The following PCDHGB1 variants were observed in gnomAD, a reference collection of about 807,000 sequenced individuals.
The protein encoded by PCDHGB1 is protocadherin gamma subfamily B, 1.
PCDHGB1 carries 34 observed loss-of-function variants against 56.6 expected under a neutral mutation model. The ratio of observed to expected loss-of-function variants is 0.60; its 90% confidence interval spans 0.46 to 0.80. PCDHGB1 has a LOEUF of 0.80. Among genes scored for constraint, PCDHGB1 ranks in the 30% least tolerant of loss-of-function variants. PCDHGB1 has a pLI of 0.00. For synonymous variants in PCDHGB1, 561 were observed against 505.9 expected (o/e 1.11, Z -1.46); for missense variants, 1,278 against 1,204.6 (o/e 1.06, Z -0.90).
In PCDHGB1 at chr5:141,352,450, G is replaced by A; in HGVS notation, c.2190G>A (p.Lys730=). The stretch of plus-strand genomic sequence containing the variant: ...GCTTTCAAACCGGTCTCTGCTCCAA[G>A]TCTGGGCCCGGGGTTCCTCCCAACC... ...EGCFQTGLCS[K]SGPGVPPNHS... is the part of the protein sequence containing the mutation. Residue 730 remains lysine, a synonymous_variant, in exon 1 of 4, where the codon AAG becomes AAA. Coordinates refer to ENST00000523390, the MANE Select transcript of PCDHGB1 (RefSeq NM_018922.3). 1 of 1,614,036 alleles carries A rather than the reference G, an allele frequency of 6.2e-7. No individual in the cohort carries two copies. The highest frequency in any genetic ancestry group is 8.5e-7 in the Non-Finnish European group (1 of 1,179,902).
At position 141,477,879 on chromosome 5, in the gene PCDHGB1, A is replaced by T. The variant is rs932363258; in HGVS notation, c.2410-16928A>T. The T allele has an allele frequency of 3.4e-5, 55 of 1,614,060 alleles. No homozygotes were observed. The highest frequency in any genetic ancestry group is 4.6e-5 in the Non-Finnish European group (54 of 1,180,034). ...CTGCCTCGAGGTACCTCAGCTGGCCACCTAGTGTCACGGGTGGTAGGCTGG... is the reference window on the plus strand; with the variant it reads ...CTGCCTCGAGGTACCTCAGCTGGCCTCCTAGTGTCACGGGTGGTAGGCTGG... On this transcript the variant is annotated intron_variant, in intron 1 of 3. Coordinates refer to ENST00000523390, the MANE Select transcript of PCDHGB1 (RefSeq NM_018922.3). This position sits in a 1 kb window ranked among gnomAD's most constrained non-coding sequence, Gnocchi z 4.9.
rs1307942270 is a variant in PCDHGB1 at position 141,388,326 on chromosome 5, C to A, written c.2409+35657C>A. ...GCTGCAAATAAGTGAGTCTGCACAG[C>A]CTGGCACACGATTTATATTAGGATC... On this transcript the variant is annotated intron_variant, in intron 1 of 3. Transcript: ENST00000523390. 3.7e-6 allele frequency: 6 copies of A among 1,613,760 alleles called. No homozygotes were observed. The highest frequency in any genetic ancestry group is 5.1e-6 in the Non-Finnish European group (6 of 1,179,866).
rs1292783135 is a variant in PCDHGB1 at position 141,374,085 on chromosome 5, T to C, written c.2409+21416T>C. The stretch of plus-strand genomic sequence containing the variant: ...AGAGAAGTTCCTAATAAGCCAGTAA[T>C]GGCGCCTCCGCAGAGGCATCCGCAG... On this transcript the variant is annotated intron_variant, in intron 1 of 3. Coordinates refer to ENST00000523390, the MANE Select transcript of PCDHGB1 (RefSeq NM_018922.3). 12 of 1,528,732 alleles carry C rather than the reference T, an allele frequency of 7.8e-6. No individual in the cohort carries two copies. In the Admixed American group the frequency reaches 2.2e-4, roughly 28 times the overall value. 94.7% of individuals were successfully genotyped at this position (1,528,732 alleles called of 1,614,324 possible).
chr5:141,421,227 C>T (rs1387397967), intron 1 of PCDHGB1: 1 of 1,587,020 alleles, frequency 6.3e-7, no homozygotes, highest in Non-Finnish European at 8.6e-7. Context: ...TAGAGCCTGC[C>T]ATGGCGAATC....
intron 1 of PCDHGB1, chr5:141,408,447 G>A (rs536531313): frequency 3.1e-6 from 5 of 1,614,064 alleles, no homozygotes; most frequent in Admixed American, 1.7e-5. Context: ...GCGGAGAGCG[G>A]GGACTTACTT....
At chr5:141,423,227 A>C (rs1305722929) in intron 1 of PCDHGB1, 5 of 1,613,634 alleles carry the variant, frequency 3.1e-6, no homozygotes, top group Non-Finnish European at 2.5e-6. Context: ...GCTGTGGCCG[A>C]CAGCATCCCC....
chr5:141,384,658 C>T lies in PCDHGB1; in HGVS notation c.2409+31989C>T, dbSNP rs755303317. 9.3e-6 allele frequency: 15 copies of T among 1,614,104 alleles called. No homozygotes were observed. The African/African-American group carries it at 1.7e-4, about 19-fold the overall frequency. Reference sequence around the variant, plus strand: ...ACCCCGCTCCGCAGAGCCCGGCTACCTGGTGACCAAGGTGGTGGCGGTGGA... The same window carrying T: ...ACCCCGCTCCGCAGAGCCCGGCTACTTGGTGACCAAGGTGGTGGCGGTGGA... On this transcript the variant is annotated intron_variant, in intron 1 of 3. Coordinates refer to ENST00000523390, the MANE Select transcript of PCDHGB1 (RefSeq NM_018922.3).
intron 2 of PCDHGB1, among the ~76,000 whole-genome samples, chr5:141,496,392 C>T (rs6879760): frequency 0.064 from 9,762 of 152,240 alleles, 510 homozygotes; most frequent in African/African-American, 0.15. Context: ...CCTTACCCTA[C>T]CTCCTCAATG....
intron 1 of PCDHGB1, among the ~76,000 whole-genome samples, chr5:141,400,951 C>A (rs991607511): frequency 6.6e-6 from 1 of 152,174 alleles, no homozygotes; most frequent in Non-Finnish European, 1.5e-5. Flanking sequence ...ACTGATTTCA[C>A]TGGTAGTTTT....
Position 141,485,863 on chromosome 5 carries a change from A to G in PCDHGB1, c.2410-8944A>G, listed in dbSNP as rs770864367. 78 of 1,614,054 alleles carry G rather than the reference A, an allele frequency of 4.8e-5. No individual in the cohort carries two copies. Among genetic ancestry groups the G allele is most frequent in the Non-Finnish European group, 6.0e-5 (71 of 1,180,040 alleles). ...GATCTGGCACCGCAGAGCTCCGGGT[A>G]TCCGTGCTGGACGTAAACGACAACG... On this transcript the variant is annotated intron_variant, in intron 1 of 3. Coordinates refer to ENST00000523390, the MANE Select transcript of PCDHGB1 (RefSeq NM_018922.3). The surrounding 1 kb of genome is among the most constrained non-coding windows in gnomAD (Gnocchi z 5.7).
intron 1 of PCDHGB1, chr5:141,372,455 G>A: frequency 6.2e-7 from 1 of 1,614,060 alleles, no homozygotes; most frequent in South Asian, 1.1e-5. Flanking sequence ...CTCAGGCGGA[G>A]CTACAGTTTC....
chr5:141,441,155 T>A (rs2098229690), intron 1 of PCDHGB1: 1 of 152,230 alleles, frequency 6.6e-6, no homozygotes, highest in East Asian at 1.9e-4. Flanking sequence ...GACAATATCC[T>A]AGAGGCGATT....
chr5:141,360,446 T>C, intron 1 of PCDHGB1: 1 of 1,614,014 alleles, frequency 6.2e-7, no homozygotes, highest in Non-Finnish European at 8.5e-7. Flanking sequence ...CTGTGTGTTC[T>C]GGATTTCGAT....
At position 141,352,580 on chromosome 5, in the gene PCDHGB1, C is replaced by T. The variant is rs2149770096; in HGVS notation, c.2320C>T (p.Gln774Ter). ...CCTGACACCGGAAATGGCTCCCCCT[C>T]AGGATCTGCTGTGTGATGATCCTTC... ...LNLTPEMAPPQDLLCDDPSMV... is the reference protein window; with the variant it reads ...LNLTPEMAPP The change falls in exon 1 of 4, where the codon CAG becomes TAG. Residue 774 changes from glutamine (Q) to a stop codon, truncating the protein, a stop_gained. Coordinates refer to ENST00000523390, the MANE Select transcript of PCDHGB1 (RefSeq NM_018922.3). LOFTEE classifies it high-confidence loss of function. 6.2e-7 allele frequency: 1 copy of T among 1,613,892 alleles called. No individual in the cohort carries two copies. The highest frequency in any genetic ancestry group is 2.2e-5 in the East Asian group (1 of 44,888).
In PCDHGB1 at chr5:141,476,516, G is replaced by T. The variant is rs1042414523; in HGVS notation, c.2410-18291G>T. 1 of 1,614,016 alleles carries T rather than the reference G, an allele frequency of 6.2e-7. No individual in the cohort carries two copies. The highest frequency in any genetic ancestry group is 8.5e-7 in the Non-Finnish European group (1 of 1,180,022). ...CCAGGACATCAACGACAACAATCCT[G>T]CTTTCCCTACCCAGGAAATGAAATT... On this transcript the variant is annotated intron_variant, in intron 1 of 3. Transcript: ENST00000523390. The surrounding 1 kb of genome is among the most constrained non-coding windows in gnomAD (Gnocchi z 7.6).
At chr5:141,375,865 GGACA>G in intron 1 of PCDHGB1, 2 of 1,613,976 alleles carry the variant, frequency 1.2e-6, no homozygotes. Context: ...TGGTGGCGGT[GGACA>G]GAGACTCGGG....
At chr5:141,356,037 T>G in intron 1 of PCDHGB1, 1 of 1,614,004 alleles carries the variant, frequency 6.2e-7, no homozygotes, top group East Asian at 2.2e-5. Context: ...ACGTGACGTA[T>G]TCTTTCCGGA....
Position 141,489,585 on chromosome 5 carries a change from G to C in PCDHGB1, c.2410-5222G>C. The C allele has an allele frequency of 6.2e-7, 1 of 1,614,090 alleles. No individual in the cohort carries two copies. On this transcript the variant is annotated intron_variant, in intron 1 of 3. Transcript: ENST00000523390. This position sits in a 1 kb window ranked among gnomAD's most constrained non-coding sequence, Gnocchi z 4.5. ...AGGTGGTGACTGAACACCCCCTGGA[G>C]CTAATCCGTGTAGAGGTAGAGATCC...
At chr5:141,382,871 G>C (rs764156663) in intron 1 of PCDHGB1, 22 of 1,520,388 alleles carry the variant, frequency 1.4e-5, no homozygotes, top group Admixed American at 8.9e-5. Flanking sequence ...TCCCGAGATC[G>C]GCGCCTAAGC....
Sources: allele counts gnomAD v4.1 joint callset (sites outside exome capture counted in the v4.1 genomes callset), GRCh38; gene constraint gnomAD v4.1.1; non-coding constraint Gnocchi (gnomAD v3.1); transcripts MANE v1.5; gene names NCBI Gene and HGNC (gene_info 2026-07-23, HGNC 2026-07-21).